The following PXDN variants were observed in gnomAD, a reference collection of about 807,000 sequenced individuals.
The protein encoded by PXDN is peroxidasin homolog.
A neutral mutation model predicts 140.3 loss-of-function variants in PXDN; 77 were observed. That is an observed-to-expected ratio of 0.55 (90% CI 0.46 to 0.66). PXDN has a LOEUF of 0.66. PXDN is among the 30% of genes least tolerant of loss of function. The pLI is 0.00. For missense variants in PXDN, 1,838 were observed against 2,039.5 expected (o/e 0.90, Z 1.90); for synonymous variants, 911 against 857.4 (o/e 1.06, Z -1.09).
intron 14 of PXDN, among the ~76,000 whole-genome samples, chr2:1,659,129 G>A (rs962653686): frequency 6.6e-6 from 1 of 152,216 alleles, no homozygotes; most frequent in Admixed American, 6.5e-5. Flanking sequence ...CAACCCGAGG[G>A]CCCTTCTGAA....
At chr2:1,656,873 A>G (rs1288540767) in intron 14 of PXDN, among the ~76,000 whole-genome samples, 1 of 148,660 alleles carries the variant, frequency 6.7e-6, no homozygotes, top group African/African-American at 2.5e-5. Context: ...CCTGACTGAA[A>G]CCTGCCCTCT....
intron 1 of PXDN, among the ~76,000 whole-genome samples, chr2:1,703,346 G>A (rs1351683040): frequency 5.3e-5 from 1 of 18,892 alleles, no homozygotes; most frequent in Admixed American, 3.5e-4. Context: ...GCAACTCCAG[G>A]TGAAGGGGGG....
At chr2:1,647,214 A>C (rs901052461) in intron 17 of PXDN, among the ~76,000 whole-genome samples, 4 of 152,154 alleles carry the variant, frequency 2.6e-5, no homozygotes, top group Admixed American at 2.6e-4. Flanking sequence ...CTATTTCCTT[A>C]AAATACAAAA....
rs534878109 is a variant in PXDN at position 1,730,592 on chromosome 2, G to A, written c.200+13664C>T. ...GCGGACGGCCCAGCCACAGGCAGGG[G>A]AGGAGGCATGGTTTACATCTGAGTA... On this transcript the variant is annotated intron_variant, in intron 1 of 22. Transcript: ENST00000252804. Among the ~76,000 whole-genome samples the A allele has an allele frequency of 1.6e-4, 25 of 152,324 alleles. No individual in the cohort carries two copies. The South Asian group carries it at 5.0e-3, about 30-fold the overall frequency.
At chr2:1,728,832 G>GA (rs1194134630) in intron 1 of PXDN, among the ~76,000 whole-genome samples, 1 of 152,182 alleles carries the variant, frequency 6.6e-6, no homozygotes, top group African/African-American at 2.4e-5. Flanking sequence ...GAATGCACGC[G>GA]AAACAGGAGG....
At chr2:1,724,410 G>C (rs1344771991) in intron 1 of PXDN, among the ~76,000 whole-genome samples, 5 of 146,580 alleles carry the variant, frequency 3.4e-5, no homozygotes, top group Non-Finnish European at 7.5e-5. Context: ...ATGTAGAGTT[G>C]GTCACATCTC....
In PXDN at chr2:1,643,526, A is replaced by G. The variant is rs1263103353; in HGVS notation, c.3794T>C (p.Ile1265Thr). Residue 1265 changes from isoleucine to threonine, a missense_variant, in exon 19 of 23, where the codon ATC becomes ACC. Transcript: ENST00000252804. ...GVFSPAQLTQ[I>T]KQTSLARILC... ...GATCCTGGCCAGCGACGTCTGCTTGATCTGAGTCAGCTGGGCCGGGGAGAA... is the reference window on the plus strand; with the variant it reads ...GATCCTGGCCAGCGACGTCTGCTTGGTCTGAGTCAGCTGGGCCGGGGAGAA... 1 of 1,613,922 alleles carries G rather than the reference A, an allele frequency of 6.2e-7. No homozygotes were observed. Among genetic ancestry groups the G allele is most frequent in the African/African-American group, 1.3e-5 (1 of 75,040 alleles).
Position 1,666,118 on chromosome 2 carries a change from G to T in PXDN, c.1291+96C>A, listed in dbSNP as rs1177452565. The T allele has an allele frequency of 4.7e-6, 7 of 1,487,094 alleles. No individual in the cohort carries two copies. The East Asian group carries it at 1.6e-4, about 35-fold the overall frequency. The allele number at this position is 1,487,094 out of a possible 1,614,324, so 92.1% of individuals were successfully genotyped here. A position where few individuals can be genotyped will look rare whatever the true frequency, so the allele number is the denominator to read the frequency against. The stretch of plus-strand genomic sequence containing the variant: ...ACCGAGTGAAGTGGACAGGGCAGAA[G>T]ATTCTATGGAGCGTCTGTGGGTATG... On this transcript the variant is annotated intron_variant, in intron 10 of 22. Transcript: ENST00000252804.
intron 1 of PXDN, 131 bp downstream of exon 1, chr2:1,744,125 A>C (rs73182757): frequency 4.2e-6 from 4 of 961,666 alleles, no homozygotes; most frequent in South Asian, 3.0e-5. Context: ...TCTGCGTCCC[A>C]AGTCCCCAGG....
chr2:1,720,612 G>GCTCTCTTTGCATCTCTTTCT (rs1685018931), intron 1 of PXDN, among the ~76,000 whole-genome samples: 6 of 101,434 alleles, frequency 5.9e-5, no homozygotes, highest in Non-Finnish European at 9.9e-5. Context: ...CTCAGATACA[G>GCTCTCTTTGCATCTCTTTCT]CTCTCTCTGC....
At chr2:1,733,767 A>AG (rs57208070) in intron 1 of PXDN, among the ~76,000 whole-genome samples, 5 of 149,494 alleles carry the variant, frequency 3.3e-5, no homozygotes, top group African/African-American at 1.2e-4. Context: ...AAAAAAAAAA[A>AG]GCAGTGTCAG....
rs201018276 is a variant in PXDN at position 1,662,053 on chromosome 2, C to T, written c.1680+19G>A. 7.3e-4 allele frequency: 1,141 copies of T among 1,563,140 alleles called. 11 individuals are homozygous for T. The African/African-American group carries it at 0.014, about 19-fold the overall frequency. ...CCTTGTATCTGGGTGGTGGCTGGCT[C>T]GGGCACCAGACCGCCTACCTTGTTC... On this transcript the variant is annotated intron_variant, in intron 13 of 22. Transcript: ENST00000252804.
intron 1 of PXDN, among the ~76,000 whole-genome samples, chr2:1,716,407 C>T (rs989184045): frequency 7.2e-6 from 1 of 138,828 alleles, no homozygotes; most frequent in Admixed American, 7.8e-5. Flanking sequence ...CACTGCACTC[C>T]AGCCTGGGCA....
intron 8 of PXDN, among the ~76,000 whole-genome samples, chr2:1,674,204 T>C (rs1417466645): frequency 1.3e-5 from 2 of 152,194 alleles, no homozygotes; most frequent in African/African-American, 4.8e-5. Flanking sequence ...GCTGTATCTA[T>C]GTGTATTTTA....
chr2:1,677,746 G>A (rs1370188102), intron 7 of PXDN, among the ~76,000 whole-genome samples: 3 of 152,212 alleles, frequency 2.0e-5, no homozygotes, highest in Non-Finnish European at 4.4e-5. Flanking sequence ...GCTCCCCTCA[G>A]CAGCCATGAG....
intron 1 of PXDN, among the ~76,000 whole-genome samples, chr2:1,724,935 T>TGTAA (rs1667563031): frequency 6.6e-6 from 1 of 152,212 alleles, no homozygotes; most frequent in African/African-American, 2.4e-5. Context: ...TTGCATTGAA[T>TGTAA]GTAAAGATCA....
chr2:1,722,367 C>T (rs1336437671), intron 1 of PXDN, among the ~76,000 whole-genome samples: 1 of 152,170 alleles, frequency 6.6e-6, no homozygotes, highest in Non-Finnish European at 1.5e-5. Flanking sequence ...GCTTGGCAGT[C>T]CCTCTCCCAT....
At chr2:1,638,817 G>A (rs757836352) in intron 21 of PXDN, 29 bp downstream of exon 21, 5 of 1,613,294 alleles carry the variant, frequency 3.1e-6, no homozygotes, top group South Asian at 2.2e-5. Context: ...ATCTTGGAGT[G>A]GGGGGACACA....
rs1436557220 is a variant in PXDN, at chr2:1,673,799, T to A, written c.862A>T (p.Met288Leu). ...AAGTTTAGGCGGGAATCTGTCTTCATGCTCAGCTCATTACTACAAAGACAG... is the reference window on the plus strand; with the variant it reads ...AAGTTTAGGCGGGAATCTGTCTTCAAGCTCAGCTCATTACTACAAAGACAG... ...IWLRNNNELS[M>L]KTDSRLNLLD... Residue 288 changes from methionine (M) to leucine (L), a missense_variant, in exon 9 of 23, where the codon ATG becomes TTG. By Grantham distance (15) the Met-to-Leu change is conservative. This residue lies in a region of PXDN where 208 missense variants were observed against 325.8 expected (regional missense o/e 0.64). Coordinates refer to ENST00000252804, the MANE Select transcript of PXDN (RefSeq NM_012293.3). The A allele has an allele frequency of 6.2e-7, 1 of 1,614,018 alleles. No individual in the cohort carries two copies. Among genetic ancestry groups the A allele is most frequent in the African/African-American group, 1.3e-5 (1 of 75,058 alleles).
Sources: allele counts gnomAD v4.1 joint callset (sites outside exome capture counted in the v4.1 genomes callset), GRCh38; gene constraint gnomAD v4.1.1; regional missense constraint gnomAD v4.1.1; transcripts MANE v1.5; gene names NCBI Gene and HGNC (gene_info 2026-07-23, HGNC 2026-07-21).